Variants in SRGAP3 observed in about 807,000 individuals in gnomAD.
SRGAP3 encodes the protein SLIT-ROBO Rho GTPase activating protein 3, also known as SLIT-ROBO Rho GTPase-activating protein 3.
Under a neutral mutation model 121.1 loss-of-function variants are expected in SRGAP3, and 39 were observed. The ratio of observed to expected loss-of-function variants is 0.32; its 90% CI spans 0.25 to 0.42. The LOEUF is 0.42. Ranked by LOEUF, SRGAP3 falls within the 10% of genes least tolerant of loss-of-function variation. SRGAP3 has a pLI of 1.00. For synonymous variants in SRGAP3, 601 were observed against 570.0 expected (o/e 1.05, Z -0.77); for missense variants, 1,213 against 1,470.6 (o/e 0.82, Z 2.86).
intron 1 of SRGAP3, among the ~76,000 whole-genome samples, chr3:9,156,803 T>G (rs953946189): frequency 6.6e-6 from 1 of 152,114 alleles, no homozygotes; most frequent in African/African-American, 2.4e-5. Flanking sequence ...TTGGACTAGT[T>G]CTGGGAGGGT....
At chr3:9,186,256 T>C (rs1323030195) in intron 1 of SRGAP3, among the ~76,000 whole-genome samples, 2 of 152,170 alleles carry the variant, frequency 1.3e-5, no homozygotes, top group Admixed American at 1.3e-4. Context: ...CAGGGAAGCC[T>C]TGTCCTTCTC....
rs189815434 is a variant in SRGAP3 at position 9,345,408 on chromosome 3, G to A, written n.215-14812C>T. ...GTGAGGGTATTGCTTGAGCCCACCA[G>A]GAAGTGAAGGCTACAGTGAGCCATA... is the stretch of plus-strand genomic sequence containing the variant. On this transcript the variant is annotated intron_variant and non_coding_transcript_variant, in intron 1 of 3. Coordinates refer to the SRGAP3 transcript ENST00000490889. Among the ~76,000 whole-genome samples the A allele has an allele frequency of 1.3e-3, 201 of 152,070 alleles. 1 individual carries two copies. Among genetic ancestry groups the A allele is most frequent in the East Asian group, 4.7e-3 (24 of 5,160 alleles).
In SRGAP3 at chr3:8,990,615, T is replaced by C. The variant is rs1440170998; in HGVS notation, c.2783A>G (p.Lys928Arg). ...GSAGSINYPDKKALSEGHSMR... is the reference protein window; with the variant it reads ...GSAGSINYPDRKALSEGHSMR... ...CGAGTGCCCTTCGGAGAGCGCCTTC[T>C]TGTCAGGGTAGTTGATGCTGCCAGC... Residue 928 changes from lysine to arginine, a missense_variant, in exon 21 of 22, where the codon AAG becomes AGG. This residue lies in a region of SRGAP3 where 420 missense variants were observed against 437.7 expected (regional missense o/e 0.96). Transcript: ENST00000383836. 6.2e-7 allele frequency: 1 copy of C among 1,612,916 alleles called. No individual in the cohort carries two copies. The highest frequency in any genetic ancestry group is 2.2e-5 in the East Asian group (1 of 44,840).
intron 1 of SRGAP3, among the ~76,000 whole-genome samples, chr3:9,341,219 G>C (rs1435089207): frequency 6.6e-6 from 1 of 152,192 alleles, no homozygotes; most frequent in Non-Finnish European, 1.5e-5. Flanking sequence ...ATTTGAGGAG[G>C]GGAGAGGAAC....
intron 1 of SRGAP3, among the ~76,000 whole-genome samples, chr3:9,233,932 C>G (rs564027620): frequency 6.6e-6 from 1 of 152,212 alleles, no homozygotes; most frequent in African/African-American, 2.4e-5. Context: ...ACATTCTCAG[C>G]ATTTCTTTCA....
At chr3:9,227,710 G>A (rs953459900) in intron 1 of SRGAP3, among the ~76,000 whole-genome samples, 7 of 152,244 alleles carry the variant, frequency 4.6e-5, no homozygotes, top group African/African-American at 9.6e-5. Flanking sequence ...CGGTGGCTAC[G>A]ATAGGAATGA....
chr3:9,260,727 A>G (rs944163599), intron 3 of SRGAP3, among the ~76,000 whole-genome samples: 6 of 152,212 alleles, frequency 3.9e-5, no homozygotes, highest in Admixed American at 2.6e-4. Context: ...CGCAGCTTCA[A>G]CAGACTTAAA....
At chr3:9,108,196 TG>T (rs1948484537) in intron 2 of SRGAP3, among the ~76,000 whole-genome samples, 1 of 152,110 alleles carries the variant, frequency 6.6e-6, no homozygotes, top group Non-Finnish European at 1.5e-5. Context: ...TAGAATCAAC[TG>T]GGGAGCTTTT....
intron 3 of SRGAP3, among the ~76,000 whole-genome samples, chr3:9,286,537 A>AC (rs34010416): frequency 0.15 from 22,031 of 151,916 alleles, 1,882 homozygotes; most frequent in South Asian, 0.2. Context: ...CTTAAAAATA[A>AC]CCCCATGAAA....
chr3:9,210,698 C>T (rs547152341), intron 1 of SRGAP3, among the ~76,000 whole-genome samples: 18 of 151,930 alleles, frequency 1.2e-4, no homozygotes, highest in East Asian at 3.9e-4. Context: ...GGGGTGGTGG[C>T]GCATGCCTAT....
intron 1 of SRGAP3, among the ~76,000 whole-genome samples, chr3:9,180,503 A>G (rs6798331): frequency 7.8e-4 from 119 of 152,002 alleles, no homozygotes; most frequent in African/African-American, 2.8e-3. Context: ...GAACTCGGGG[A>G]GCAGGGCGGG....
At chr3:9,128,240 G>T (rs536182656) in intron 1 of SRGAP3, among the ~76,000 whole-genome samples, 2 of 152,264 alleles carry the variant, frequency 1.3e-5, no homozygotes, top group Admixed American at 1.3e-4. Flanking sequence ...ATGCTTTAAT[G>T]ATTTATCAAA....
At position 9,096,986 on chromosome 3, in the gene SRGAP3, T is replaced by C. The variant is rs1002902475; in HGVS notation, c.423+7694A>G. Reference sequence around the variant, plus strand: ...ATATATATATATATATATATACACATACACACACATATATATATATTAGAG... The same window carrying C: ...ATATATATATATATATATATACACACACACACACATATATATATATTAGAG... On this transcript the variant is annotated intron_variant, in intron 3 of 21. Transcript: ENST00000383836. Among the ~76,000 whole-genome samples the C allele has an allele frequency of 1.2e-3, 131 of 112,672 alleles. 1 individual carries two copies. The highest frequency in any genetic ancestry group is 2.1e-3 in the Non-Finnish European group (111 of 52,970). The allele number at this position is 112,672 out of a possible 152,430, so 73.9% of individuals were successfully genotyped here. A position where few individuals can be genotyped will look rare whatever the true frequency, so the allele number is the denominator to read the frequency against.
At chr3:9,028,023 G>T in intron 12 of SRGAP3, 1 of 1,552,218 alleles carries the variant, frequency 6.4e-7, no homozygotes. Context: ...AGGCAAGGTG[G>T]GCTCTGTTCT....
chr3:9,133,346 T>C (rs2125011226), intron 1 of SRGAP3, among the ~76,000 whole-genome samples: 1 of 152,110 alleles, frequency 6.6e-6, no homozygotes, highest in South Asian at 2.1e-4. Context: ...TATCTGGGCA[T>C]GGTGGCGCAC....
intron 14 of SRGAP3, 66 bp from the exon 15 acceptor site, chr3:9,015,797 C>G: frequency 6.3e-7 from 1 of 1,599,742 alleles, no homozygotes; most frequent in Non-Finnish European, 8.5e-7. Flanking sequence ...GTGCAGATGG[C>G]CGAAGAGATG....
chr3:8,986,963 G>A (rs774109817), intron 21 of SRGAP3, among the ~76,000 whole-genome samples: 1 of 152,250 alleles, frequency 6.6e-6, no homozygotes, highest in Non-Finnish European at 1.5e-5. Context: ...TGGTGCTGTA[G>A]CTGGAAGGCA....
intron 3 of SRGAP3, among the ~76,000 whole-genome samples, chr3:9,086,436 T>C (rs1318340428): frequency 6.6e-6 from 1 of 150,680 alleles, no homozygotes; most frequent in Middle Eastern, 3.2e-3. Context: ...GGGAAGATCA[T>C]TTAAGCCTGG....
At chr3:9,213,894 C>T (rs1167169095) in intron 1 of SRGAP3, among the ~76,000 whole-genome samples, 1 of 152,158 alleles carries the variant, frequency 6.6e-6, no homozygotes, top group Admixed American at 6.5e-5. Flanking sequence ...TTGCTGCTTC[C>T]CAGGCCTGGA....
Sources: allele counts gnomAD v4.1 joint callset (sites outside exome capture counted in the v4.1 genomes callset), GRCh38; gene constraint gnomAD v4.1.1; regional missense constraint gnomAD v4.1.1; transcripts MANE v1.5; gene names NCBI Gene and HGNC (gene_info 2026-07-23, HGNC 2026-07-21).